Variants in ANKS1A observed in about 807,000 individuals in gnomAD.
ANKS1A encodes ankyrin repeat and sterile alpha motif domain containing 1A.
In ANKS1A, 55 loss-of-function variants were observed where a neutral mutation model predicts 120.3. The observed-to-expected ratio is 0.46, with a 90% CI of 0.37 to 0.57. The LOEUF is 0.57. ANKS1A is among the 20% of genes least tolerant of loss of function. ANKS1A has a pLI of 0.00. For missense variants in ANKS1A, 1,123 were observed against 1,480.3 expected (o/e 0.76, Z 3.96); for synonymous variants, 590 against 604.7 (o/e 0.98, Z 0.36).
intron 1 of ANKS1A, among the ~76,000 whole-genome samples, chr6:34,892,957 A>G (rs997610117): frequency 1.3e-5 from 2 of 152,242 alleles, no homozygotes; most frequent in African/African-American, 4.8e-5. Flanking sequence ...ATATTTATTC[A>G]GGAACAGTAT....
chr6:34,916,623 C>T (rs1768179416), intron 1 of ANKS1A, among the ~76,000 whole-genome samples: 1 of 152,120 alleles, frequency 6.6e-6, no homozygotes, highest in African/African-American at 2.4e-5. Context: ...AATTTTTCCT[C>T]ATTTGGTCTC....
chr6:34,914,682 A>G (rs936908551), intron 1 of ANKS1A, among the ~76,000 whole-genome samples: 1 of 152,198 alleles, frequency 6.6e-6, no homozygotes, highest in African/African-American at 2.4e-5. Context: ...TTATTTTATT[A>G]AAAAACAGGC....
chr6:35,043,282 C>G (rs1375701607), intron 11 of ANKS1A, among the ~76,000 whole-genome samples: 4 of 152,214 alleles, frequency 2.6e-5, no homozygotes, highest in African/African-American at 9.7e-5. Flanking sequence ...TGCCTGTGAT[C>G]TGTAACCCAG....
intron 3 of ANKS1A, among the ~76,000 whole-genome samples, chr6:34,971,652 C>T (rs536860966): frequency 4.9e-4 from 74 of 152,238 alleles, no homozygotes; most frequent in African/African-American, 1.8e-3. Flanking sequence ...AAAGTTTTCC[C>T]TCAAAAAATA....
At chr6:35,049,605 C>T (rs1029632061) in intron 11 of ANKS1A, among the ~76,000 whole-genome samples, 1 of 152,058 alleles carries the variant, frequency 6.6e-6, no homozygotes, top group Non-Finnish European at 1.5e-5. Context: ...GCAGGGGGTC[C>T]TAGGGCACCA....
chr6:35,051,408 G>A (rs549352566), intron 11 of ANKS1A, among the ~76,000 whole-genome samples: 7 of 152,308 alleles, frequency 4.6e-5, no homozygotes, highest in African/African-American at 1.7e-4. Context: ...TGGGGCTTCG[G>A]ATGTTAAGTG....
At chr6:35,080,897 G>A (rs901275042) in intron 16 of ANKS1A, 97 bp from the exon 17 acceptor site, 27 of 1,436,030 alleles carry the variant, frequency 1.9e-5, no homozygotes, top group Admixed American at 6.2e-5. Flanking sequence ...TCCCGGTGCC[G>A]CTGCCTGTGC....
chr6:35,064,496 A>G (rs148950044), intron 13 of ANKS1A, among the ~76,000 whole-genome samples: 1 of 152,248 alleles, frequency 6.6e-6, no homozygotes, highest in African/African-American at 2.4e-5. Flanking sequence ...AGATAAAGAG[A>G]GGCCAAAGGC....
At chr6:34,934,427 C>T (rs917778605) in intron 1 of ANKS1A, among the ~76,000 whole-genome samples, 3 of 152,220 alleles carry the variant, frequency 2.0e-5, no homozygotes, top group South Asian at 2.1e-4. Flanking sequence ...GGATTACAGG[C>T]GTGAGCCACC....
intron 1 of ANKS1A, among the ~76,000 whole-genome samples, chr6:34,950,160 A>G (rs1163418138): frequency 6.6e-6 from 1 of 151,748 alleles, no homozygotes; most frequent in African/African-American, 2.4e-5. Flanking sequence ...AACGTGGGTG[A>G]CAGTGAGACC....
chr6:34,959,986 A>G (rs1348247067), intron 1 of ANKS1A, among the ~76,000 whole-genome samples: 1 of 151,980 alleles, frequency 6.6e-6, no homozygotes, highest in Non-Finnish European at 1.5e-5. Context: ...GGCAGTGAAC[A>G]CTACTAGGTG....
chr6:34,917,058 AT>A (rs1248644490), intron 1 of ANKS1A, among the ~76,000 whole-genome samples: 5 of 152,206 alleles, frequency 3.3e-5, no homozygotes, highest in Non-Finnish European at 7.3e-5. Flanking sequence ...AGTCCTGGGC[AT>A]CTCTCTTTTG....
rs746190985 is a variant in ANKS1A at position 35,078,665 on chromosome 6, C to G, written c.2283+9C>G. ...CACGCTCCCTACCCAAGGTGACCATCGCCGGCCCTGTAGCCTCAGCCCGTG... is the reference window on the plus strand; with the variant it reads ...CACGCTCCCTACCCAAGGTGACCATGGCCGGCCCTGTAGCCTCAGCCCGTG... On this transcript the variant is annotated intron_variant, in intron 14 of 23. Transcript: ENST00000360359. 5 of 1,600,410 alleles carry G rather than the reference C, an allele frequency of 3.1e-6. No homozygotes were observed. Among genetic ancestry groups the G allele is most frequent in the Non-Finnish European group, 4.2e-6 (5 of 1,179,718 alleles).
At chr6:34,922,712 T>G (rs1284838835) in intron 1 of ANKS1A, among the ~76,000 whole-genome samples, 3 of 150,224 alleles carry the variant, frequency 2.0e-5, no homozygotes, top group Admixed American at 1.3e-4. Flanking sequence ...TTTTTTTTTT[T>G]GTGACGGAGT....
At chr6:35,083,631 T>C (rs953505983) in intron 20 of ANKS1A, 128 bp downstream of exon 20, 21 of 856,860 alleles carry the variant, frequency 2.5e-5, no homozygotes, top group Middle Eastern at 3.1e-4. Context: ...CCCAGTCCTC[T>C]TATTACTTCC....
chr6:34,911,596 A>G (rs1270711510), intron 1 of ANKS1A, among the ~76,000 whole-genome samples: 1 of 152,206 alleles, frequency 6.6e-6, no homozygotes, highest in Non-Finnish European at 1.5e-5. Flanking sequence ...AAACTTCTAG[A>G]AAAGGCAAAA....
At chr6:35,035,868 C>T (rs1775138172) in intron 11 of ANKS1A, among the ~76,000 whole-genome samples, 1 of 152,200 alleles carries the variant, frequency 6.6e-6, no homozygotes, top group African/African-American at 2.4e-5. Flanking sequence ...AATACAGAGC[C>T]ATGTCCTCAG....
chr6:34,973,749 G>C (rs1581574573), intron 3 of ANKS1A, among the ~76,000 whole-genome samples: 1 of 152,300 alleles, frequency 6.6e-6, no homozygotes, highest in South Asian at 2.1e-4. Flanking sequence ...TTGTTCAGCT[G>C]TTGGGTCTTA....
intron 10 of ANKS1A, among the ~76,000 whole-genome samples, chr6:34,999,457 G>T: frequency 6.6e-6 from 1 of 152,122 alleles, no homozygotes; most frequent in East Asian, 1.9e-4. Flanking sequence ...TTTGTTTTGT[G>T]CGTGTGGTGT....
Sources: allele counts gnomAD v4.1 joint callset (sites outside exome capture counted in the v4.1 genomes callset), GRCh38; gene constraint gnomAD v4.1.1; transcripts MANE v1.5; gene names NCBI Gene and HGNC (gene_info 2026-07-23, HGNC 2026-07-21).